Variants in PSD2 observed in about 807,000 individuals in gnomAD.
PSD2 encodes the protein PH and SEC7 domain-containing protein 2.
A neutral mutation model predicts 69.8 loss-of-function variants in PSD2; 38 were observed. The observed-to-expected ratio is 0.54, with a 90% CI of 0.42 to 0.71. The LOEUF is 0.71. Ranked by LOEUF, PSD2 falls within the 30% of genes least tolerant of loss-of-function variation. The pLI is 0.00. For synonymous variants in PSD2, 412 were observed against 423.0 expected (o/e 0.97, Z 0.32); for missense variants, 943 against 1,014.5 (o/e 0.93, Z 0.96).
the PSD2 span, among the ~76,000 whole-genome samples, chr5:139,748,519 A>G: frequency 1.3e-5 from 2 of 151,910 alleles, no homozygotes; most frequent in Non-Finnish European, 2.9e-5. Flanking sequence ...GTACTCCATC[A>G]TTTTCAAGCC....
In PSD2 at chr5:139,814,452, T is replaced by C; in HGVS notation, c.1016+88T>C. The C allele has an allele frequency of 3.2e-6, 4 of 1,253,238 alleles. No individual in the cohort carries two copies. The highest frequency in any genetic ancestry group is 4.3e-6 in the Non-Finnish European group (4 of 932,376). 77.6% of individuals were successfully genotyped at this position (1,253,238 alleles called of 1,614,324 possible). ...GGGTGTGGGTGACCTTCTTCAGGGG[T>C]GCCAGGTGCTGGGGGGGCACTCCCA... is the stretch of plus-strand genomic sequence containing the variant. On this transcript the variant is annotated intron_variant, in intron 4 of 14. Transcript: ENST00000274710. The surrounding 1 kb of genome is among the most constrained non-coding windows in gnomAD (Gnocchi z 4.4).
At chr5:139,811,845 G>C (rs1014049092) in intron 2 of PSD2, among the ~76,000 whole-genome samples, 1 of 152,002 alleles carries the variant, frequency 6.6e-6, no homozygotes, top group Non-Finnish European at 1.5e-5. Context: ...CACCTGTCTC[G>C]GCCTCCCAAA....
At chr5:139,761,269 G>A in the PSD2 span, among the ~76,000 whole-genome samples, 1 of 152,160 alleles carries the variant, frequency 6.6e-6, no homozygotes, top group African/African-American at 2.4e-5. Flanking sequence ...ACAGAGAGGC[G>A]AAGTCACTTG....
chr5:139,742,768 G>C, the PSD2 span, among the ~76,000 whole-genome samples: 2 of 152,338 alleles, frequency 1.3e-5, no homozygotes, highest in South Asian at 4.1e-4. Flanking sequence ...GTGTGTGAGT[G>C]TATCTGGAGC....
the PSD2 span, among the ~76,000 whole-genome samples, chr5:139,770,642 G>A: frequency 5.9e-5 from 9 of 152,280 alleles, no homozygotes; most frequent in East Asian, 1.2e-3. Context: ...ATGTTATTTC[G>A]CTGGATAAGC....
chr5:139,793,474 G>T (rs569355353), upstream of PSD2, among the ~76,000 whole-genome samples: 1 of 152,316 alleles, frequency 6.6e-6, no homozygotes, highest in Non-Finnish European at 1.5e-5. Context: ...GGGGGGACTG[G>T]ACTAGAACCC....
rs145812515 is a variant in PSD2 at position 139,836,935 on chromosome 5, A to G, written c.1528A>G (p.Ser510Gly). Residue 510 changes from serine to glycine, a missense_variant, in exon 10 of 15, where the codon AGT becomes GGT. Coordinates refer to ENST00000274710, the MANE Select transcript of PSD2 (RefSeq NM_032289.4). ...CTTCCTGGATGTCCCACAGGCGCTC[A>G]GTGCCACCACCTACAAGCACGGCGT... ...NPFLDVPQALSATTYKHGVLT... is the reference protein window; with the variant it reads ...NPFLDVPQALGATTYKHGVLT... 5.6e-6 allele frequency: 9 copies of G among 1,614,074 alleles called. No homozygotes were observed. The African/African-American group carries it at 1.2e-4, about 22-fold the overall frequency.
chr5:139,822,586 C>G, intron 6 of PSD2, 140 bp from the exon 7 acceptor site: 1 of 633,032 alleles, frequency 1.6e-6, no homozygotes, highest in African/African-American at 1.9e-5. Context: ...GAGCGTCACA[C>G]AGGCCCTGTC....
At chr5:139,822,144 C>G (rs1760278320) in intron 6 of PSD2, 139 bp downstream of exon 6, 1 of 550,700 alleles carries the variant, frequency 1.8e-6, no homozygotes. Flanking sequence ...GCAGTAGGTG[C>G]TCAATGAATG....
the PSD2 span, among the ~76,000 whole-genome samples, chr5:139,759,563 A>G: frequency 6.6e-6 from 1 of 152,190 alleles, no homozygotes; most frequent in Admixed American, 6.5e-5. Context: ...AATTACGGAA[A>G]GAAGTTTCCC....
the PSD2 span, among the ~76,000 whole-genome samples, chr5:139,790,360 G>T: frequency 6.6e-6 from 1 of 152,142 alleles, no homozygotes; most frequent in Non-Finnish European, 1.5e-5. Flanking sequence ...CTGACCTCAG[G>T]TGGAAAGGTC....
chr5:139,767,585 G>T, the PSD2 span, among the ~76,000 whole-genome samples: 1 of 152,234 alleles, frequency 6.6e-6, no homozygotes, highest in East Asian at 1.9e-4. Flanking sequence ...AGAGTGCTGG[G>T]ATTACAGATG....
the PSD2 span, among the ~76,000 whole-genome samples, chr5:139,745,837 C>T: frequency 6.6e-6 from 1 of 152,188 alleles, no homozygotes; most frequent in East Asian, 1.9e-4. Flanking sequence ...GCATTATTTG[C>T]GGGGTTTCCA....
chr5:139,825,992 A>G (rs1269431605), intron 7 of PSD2, among the ~76,000 whole-genome samples: 1 of 152,186 alleles, frequency 6.6e-6, no homozygotes, highest in East Asian at 1.9e-4. Context: ...GAAACTCATG[A>G]GTGTGTGGCA....
the PSD2 span, among the ~76,000 whole-genome samples, chr5:139,787,905 C>A: frequency 2.0e-5 from 3 of 152,328 alleles, no homozygotes; most frequent in Admixed American, 6.5e-5. Context: ...GAGGAAATAC[C>A]CGGGTTGGAG....
intron 5 of PSD2, 106 bp from the exon 6 acceptor site, chr5:139,821,787 C>A: frequency 1.6e-6 from 1 of 621,686 alleles, no homozygotes. Context: ...GAGTGGGGCA[C>A]TGGAGCCCTG....
At chr5:139,827,309 A>C (rs571966851) in intron 7 of PSD2, among the ~76,000 whole-genome samples, 1 of 152,354 alleles carries the variant, frequency 6.6e-6, no homozygotes, top group Admixed American at 6.5e-5. Flanking sequence ...GGCAGTCAGG[A>C]GTCTCCATGC....
At chr5:139,752,583 C>T in the PSD2 span, among the ~76,000 whole-genome samples, 1 of 152,174 alleles carries the variant, frequency 6.6e-6, no homozygotes, top group African/African-American at 2.4e-5. Context: ...GACATTGGAG[C>T]ATATTGCATA....
chr5:139,817,436 G>T (rs376441675), intron 4 of PSD2, 45 bp from the exon 5 acceptor site: 2 of 1,554,336 alleles, frequency 1.3e-6, no homozygotes, highest in African/African-American at 2.7e-5. Flanking sequence ...TGTCATCCTT[G>T]GGCTGGACCC....
Sources: gnomAD v4.1 joint callset for allele counts (sites outside exome capture counted in the v4.1 genomes callset) on GRCh38, gnomAD v4.1.1 for gene constraint, Gnocchi (gnomAD v3.1) non-coding constraint, MANE v1.5 for transcripts, NCBI Gene and HGNC (gene_info 2026-07-23, HGNC 2026-07-21) for gene names.